Variants in TXNL4A observed in about 807,000 individuals in gnomAD.
TXNL4A encodes the protein thioredoxin-like protein 4A.
A neutral mutation model predicts 14.6 loss-of-function variants in TXNL4A; 17 were observed. The ratio of observed to expected loss-of-function variants is 1.16; its 90% CI spans 0.80 to 1.74. The LOEUF is 1.74. Ranked by LOEUF, TXNL4A falls within the 40% of genes most tolerant of loss-of-function variation. The pLI, the probability that TXNL4A is intolerant of heterozygous loss-of-function variation, is 0.00. For synonymous variants in TXNL4A, 83 were observed against 70.6 expected, an observed-to-expected ratio of 1.18 and a Z score of -0.88; for missense variants, 74 against 195.2, an observed-to-expected ratio of 0.38 and a Z score of 3.70.
intron 1 of TXNL4A, among the ~76,000 whole-genome samples, chr18:79,978,097 T>G (rs902002384): frequency 6.6e-6 from 1 of 152,178 alleles, no homozygotes; most frequent in African/African-American, 2.4e-5. Context: ...TTTCCCAGAA[T>G]AGTTCAGGAA....
chr18:79,988,803 C>T (rs2051600396), upstream of TXNL4A, among the ~76,000 whole-genome samples: 1 of 151,530 alleles, frequency 6.6e-6, no homozygotes, highest in Non-Finnish European at 1.5e-5. Context: ...CCGTGCCCTG[C>T]CCCCACGCTC....
At chr18:79,991,722 T>G (rs1293844064), upstream of TXNL4A, among the ~76,000 whole-genome samples, 1 of 152,216 alleles carries the variant, frequency 6.6e-6, no homozygotes, top group Non-Finnish European at 1.5e-5. Context: ...TCACCAGGAA[T>G]GTGTGAGGGT....
intron 1 of TXNL4A, among the ~76,000 whole-genome samples, chr18:80,032,780 C>T (rs1387891703): frequency 6.6e-6 from 1 of 152,196 alleles, no homozygotes; most frequent in Non-Finnish European, 1.5e-5. Flanking sequence ...GTGGAGGTTG[C>T]AGTGAGCCGG....
intron 1 of TXNL4A, among the ~76,000 whole-genome samples, chr18:79,985,319 G>A (rs746983460): frequency 2.0e-5 from 3 of 152,098 alleles, no homozygotes; most frequent in South Asian, 2.1e-4. Flanking sequence ...GCAGTGGCGC[G>A]ATCACGGCTT....
chr18:80,019,268 G>C (rs1279420572), intron 1 of TXNL4A, among the ~76,000 whole-genome samples: 1 of 152,208 alleles, frequency 6.6e-6, no homozygotes, highest in Non-Finnish European at 1.5e-5. Context: ...CAAATGGCTG[G>C]GGAGGTCTCA....
At chr18:80,004,823 C>G (rs560573715) in intron 1 of TXNL4A, among the ~76,000 whole-genome samples, 1 of 152,094 alleles carries the variant, frequency 6.6e-6, no homozygotes, top group South Asian at 2.1e-4. Flanking sequence ...ATGATCAGAC[C>G]CAGAATAGGA....
rs548993183 is a variant in TXNL4A at position 79,982,796 on chromosome 18, C to T, written c.154-5095G>A. On this transcript the variant is annotated intron_variant, in intron 1 of 2. Coordinates refer to ENST00000269601, the MANE Select transcript of TXNL4A (RefSeq NM_006701.5). This position sits in a 1 kb window ranked among gnomAD's most constrained non-coding sequence, Gnocchi z 4.0. ...AAGAGGCAGGCAGAGGGGAGCTCCC[C>T]AGCCTCCCACCACCCCATTTTCTTG... 6.6e-6 allele frequency among the ~76,000 whole-genome samples: 1 copy of T among 152,180 alleles called. No homozygotes were observed. Among genetic ancestry groups the T allele is most frequent in the African/African-American group, 2.4e-5 (1 of 41,528 alleles).
rs552666304 is a variant in TXNL4A, at chr18:80,011,595, T to G, written c.-61+22256A>C. On this transcript the variant is annotated intron_variant, in intron 1 of 2. Coordinates refer to the TXNL4A transcript ENST00000585474. The surrounding 1 kb of genome is among the most constrained non-coding windows in gnomAD (Gnocchi z 4.1). Reference sequence around the variant, plus strand: ...CCCATGGGGAGCCATGAGCAGCCTCTGAGGAGAAAAGTCTCCTTATTGCCT... The same window carrying G: ...CCCATGGGGAGCCATGAGCAGCCTCGGAGGAGAAAAGTCTCCTTATTGCCT... Among the ~76,000 whole-genome samples, 39 of 152,298 alleles carry G rather than the reference T, an allele frequency of 2.6e-4. 2 individuals are homozygous for G. The South Asian group carries it at 7.9e-3, about 31-fold the overall frequency.
At chr18:80,007,845 C>T (rs191940656) in intron 1 of TXNL4A, among the ~76,000 whole-genome samples, 104 of 152,194 alleles carry the variant, frequency 6.8e-4, no homozygotes, top group Admixed American at 2.7e-3. Flanking sequence ...CTCCAGATGG[C>T]CTGTTTGATG....
upstream of TXNL4A, among the ~76,000 whole-genome samples, chr18:79,992,946 C>T (rs1261146640): frequency 6.7e-6 from 1 of 150,264 alleles, no homozygotes; most frequent in Non-Finnish European, 1.5e-5. Flanking sequence ...TTTTTCCCTA[C>T]CCTCCTCTTA....
At chr18:80,012,954 C>T (rs112744744) in intron 1 of TXNL4A, among the ~76,000 whole-genome samples, 96 of 151,928 alleles carry the variant, frequency 6.3e-4, no homozygotes, top group Middle Eastern at 3.4e-3. Context: ...TCCTGGGGAA[C>T]CTGGTGCTAA....
chr18:80,022,209 G>C (rs185209800), intron 1 of TXNL4A, among the ~76,000 whole-genome samples: 1 of 152,186 alleles, frequency 6.6e-6, no homozygotes, highest in Non-Finnish European at 1.5e-5. Context: ...CAACAGTGAA[G>C]TTGGGAATTT....
chr18:79,993,276 C>A (rs1161377423), upstream of TXNL4A, among the ~76,000 whole-genome samples: 1 of 151,762 alleles, frequency 6.6e-6, no homozygotes, highest in African/African-American at 2.4e-5. The surrounding 1 kb of genome is among the most constrained non-coding windows in gnomAD (Gnocchi z 4.4). Context: ...GATCCCTGAT[C>A]TTCCAGTGTT....
chr18:79,988,422 G>A lies in TXNL4A; in HGVS notation c.-30C>T, dbSNP rs972780451. ...GCCCGCGCGCTCGCCGCCGCCCAAGGCGGGGCGCCAGGGAGGGCCCAGCGA... is the reference window on the plus strand; with the variant it reads ...GCCCGCGCGCTCGCCGCCGCCCAAGACGGGGCGCCAGGGAGGGCCCAGCGA... On this transcript the variant is annotated 5_prime_UTR_variant, in exon 1 of 3. Transcript: ENST00000269601. The A allele has an allele frequency of 9.2e-6, 13 of 1,406,694 alleles. No homozygotes were observed. In the African/African-American group the frequency reaches 1.8e-4, roughly 19 times the overall value. The allele number at this position is 1,406,694 out of a possible 1,614,324, so 87.1% of individuals were successfully genotyped here. A position where few individuals can be genotyped will look rare whatever the true frequency, so the allele number is the denominator to read the frequency against.
chr18:79,984,930 A>C (rs1225523239), intron 1 of TXNL4A, among the ~76,000 whole-genome samples: 1 of 152,220 alleles, frequency 6.6e-6, no homozygotes. Flanking sequence ...TCAAAGGCAC[A>C]TGAAATTGTC....
At chr18:79,997,546 G>A (rs1164755479) in intron 1 of TXNL4A, among the ~76,000 whole-genome samples, 1 of 152,110 alleles carries the variant, frequency 6.6e-6, no homozygotes, top group East Asian at 1.9e-4. Context: ...GCAGATCTCT[G>A]CAGTGCCTTC....
At position 79,982,896 on chromosome 18, in the gene TXNL4A, G is replaced by A. The variant is rs2051485549; in HGVS notation, c.154-5195C>T. Among the ~76,000 whole-genome samples, 1 of 152,178 alleles carries A rather than the reference G, an allele frequency of 6.6e-6. No individual in the cohort carries two copies. Among genetic ancestry groups the A allele is most frequent in the South Asian group, 2.1e-4 (1 of 4,820 alleles). ...CATCAGCAAACATCCAGCAGCATCT[G>A]CTGGTGGCGACATTTCCACGGTAAC... On this transcript the variant is annotated intron_variant, in intron 1 of 2. Coordinates refer to ENST00000269601, the MANE Select transcript of TXNL4A (RefSeq NM_006701.5). The surrounding 1 kb of genome is among the most constrained non-coding windows in gnomAD (Gnocchi z 4.0).
At position 79,983,982 on chromosome 18, in the gene TXNL4A, C is replaced by T. The variant is rs537215684; in HGVS notation, c.153+4258G>A. ...CCTCATACCTTGTGGCTAGAGTCTG[C>T]ACCCTCAACCGCCACTCAACACCAC... On this transcript the variant is annotated intron_variant, in intron 1 of 2. Transcript: ENST00000269601. Among the ~76,000 whole-genome samples the T allele has an allele frequency of 5.1e-3, 778 of 152,130 alleles. 4 individuals are homozygous for T. The highest frequency in any genetic ancestry group is 8.2e-3 in the Non-Finnish European group (557 of 67,946).
chr18:80,030,776 G>C (rs552661840), intron 1 of TXNL4A, among the ~76,000 whole-genome samples: 1 of 152,272 alleles, frequency 6.6e-6, no homozygotes, highest in Non-Finnish European at 1.5e-5. Context: ...GACCAGGCCT[G>C]GTCAACATGG....
Sources: allele counts gnomAD v4.1 joint callset (sites outside exome capture counted in the v4.1 genomes callset), GRCh38; gene constraint gnomAD v4.1.1; non-coding constraint Gnocchi (gnomAD v3.1); transcripts MANE v1.5; gene names NCBI Gene and HGNC (gene_info 2026-07-23, HGNC 2026-07-21).